Variants in QTMAN observed in about 807,000 individuals in gnomAD.
QTMAN encodes the protein queuosine-tRNA mannosyltransferase, also known as tRNA-queuosine alpha-mannosyltransferase.
At chr2:144,011,567 A>G in the QTMAN span, 24 of 959,970 alleles carry the variant, frequency 2.5e-5, no homozygotes, top group Non-Finnish European at 3.0e-5. Flanking sequence ...TAACCCATCC[A>G]GAACATTCTT....
At chr2:144,079,712 A>G in the QTMAN span, among the ~76,000 whole-genome samples, 1 of 152,086 alleles carries the variant, frequency 6.6e-6, no homozygotes, top group Non-Finnish European at 1.5e-5. Context: ...TAAATGATTC[A>G]CACAAAAAAA....
the QTMAN span, among the ~76,000 whole-genome samples, chr2:144,168,672 T>G: frequency 6.6e-6 from 1 of 152,146 alleles, no homozygotes; most frequent in Non-Finnish European, 1.5e-5. Context: ...GTTATTAGTA[T>G]TTACCATGAA....
At chr2:144,030,551 G>A in the QTMAN span, among the ~76,000 whole-genome samples, 16 of 152,202 alleles carry the variant, frequency 1.1e-4, no homozygotes, top group South Asian at 3.1e-3. Context: ...CCTAGCTTGG[G>A]CCTACTCTAA....
the QTMAN span, among the ~76,000 whole-genome samples, chr2:144,096,788 C>A: frequency 6.6e-6 from 1 of 152,182 alleles, no homozygotes; most frequent in Non-Finnish European, 1.5e-5. Flanking sequence ...AGAGTGACTG[C>A]GCATCAAAGC....
At chr2:144,313,931 C>T in the QTMAN span, among the ~76,000 whole-genome samples, 23 of 151,622 alleles carry the variant, frequency 1.5e-4, no homozygotes, top group African/African-American at 5.3e-4. Flanking sequence ...CTTGAACTAA[C>T]AATGCATGGT....
chr2:143,952,157 G>A, the QTMAN span: 5 of 803,418 alleles, frequency 6.2e-6, no homozygotes, highest in Admixed American at 9.4e-5. Context: ...AATTAAAAAT[G>A]CATATTGCTC....
chr2:144,321,779 T>A, the QTMAN span, among the ~76,000 whole-genome samples: 69 of 152,130 alleles, frequency 4.5e-4, 1 homozygote, highest in Middle Eastern at 3.4e-3. Flanking sequence ...ATTTTTTTTT[T>A]AAATTTTTTG....
At chr2:144,165,740 A>G in the QTMAN span, among the ~76,000 whole-genome samples, 1 of 152,226 alleles carries the variant, frequency 6.6e-6, no homozygotes, top group Non-Finnish European at 1.5e-5. Flanking sequence ...AGCTGCAGGC[A>G]CAACCACTTA....
At chr2:144,146,639 C>G in the QTMAN span, among the ~76,000 whole-genome samples, 6 of 151,892 alleles carry the variant, frequency 4.0e-5, no homozygotes, top group East Asian at 1.2e-3. Context: ...GAAAGCAATA[C>G]TAATTGTCTG....
At chr2:144,254,743 G>A in the QTMAN span, among the ~76,000 whole-genome samples, 2 of 152,234 alleles carry the variant, frequency 1.3e-5, no homozygotes, top group Non-Finnish European at 2.9e-5. Flanking sequence ...CGAGCCCATG[G>A]AAGCAGTCGG....
the QTMAN span, among the ~76,000 whole-genome samples, chr2:144,120,223 G>A: frequency 3.9e-5 from 6 of 152,038 alleles, no homozygotes; most frequent in African/African-American, 7.2e-5. Context: ...TCTTATGCAC[G>A]TCACCTTTTC....
the QTMAN span, among the ~76,000 whole-genome samples, chr2:144,027,886 T>A: frequency 6.6e-6 from 1 of 152,204 alleles, no homozygotes; most frequent in Admixed American, 6.5e-5. Context: ...GAGTTCTGGT[T>A]GGTGGAATTT....
chr2:144,283,807 C>T, the QTMAN span, among the ~76,000 whole-genome samples: 632 of 152,052 alleles, frequency 4.2e-3, 3 homozygotes, highest in Non-Finnish European at 6.9e-3. Flanking sequence ...GAACTACCAT[C>T]CATTGAAAAG....
the QTMAN span, among the ~76,000 whole-genome samples, chr2:144,010,182 G>A: frequency 2.8e-4 from 42 of 152,086 alleles, no homozygotes; most frequent in African/African-American, 8.7e-4. Flanking sequence ...CAGCATGTGA[G>A]CAAAATTGCA....
the QTMAN span, among the ~76,000 whole-genome samples, chr2:144,169,437 G>C: frequency 1.3e-5 from 2 of 152,046 alleles, no homozygotes; most frequent in African/African-American, 4.8e-5. Flanking sequence ...TTTTTTTGCT[G>C]TAATATTTTA....
chr2:144,066,861 C>T, the QTMAN span, among the ~76,000 whole-genome samples: 3 of 152,204 alleles, frequency 2.0e-5, no homozygotes, highest in Non-Finnish European at 4.4e-5. Context: ...ACTTTAAACT[C>T]AGTATGCCTG....
the QTMAN span, among the ~76,000 whole-genome samples, chr2:144,043,070 T>C: frequency 2.6e-5 from 4 of 152,152 alleles, no homozygotes; most frequent in Admixed American, 2.6e-4. Flanking sequence ...GAAGACAGCA[T>C]CTGTCCCCAC....
the QTMAN span, among the ~76,000 whole-genome samples, chr2:143,992,797 G>A: frequency 6.6e-6 from 1 of 152,072 alleles, no homozygotes; most frequent in Admixed American, 6.5e-5. Flanking sequence ...AGATATGTGG[G>A]TAAGTTTGTA....
the QTMAN span, among the ~76,000 whole-genome samples, chr2:144,028,473 T>A: frequency 6.6e-6 from 1 of 152,218 alleles, no homozygotes; most frequent in Non-Finnish European, 1.5e-5. Context: ...TTTTTAAAGT[T>A]ACAGTCACAT....
Sources: gnomAD v4.1 joint callset for allele counts (sites outside exome capture counted in the v4.1 genomes callset) on GRCh38, gnomAD v4.1.1 for gene constraint, MANE v1.5 for transcripts, NCBI Gene and HGNC (gene_info 2026-07-23, HGNC 2026-07-21) for gene names.